The following CRACD variants were observed in gnomAD, a reference collection of about 807,000 sequenced individuals.
CRACD encodes capping protein inhibiting regulator of actin dynamics, also known as capping protein-inhibiting regulator of actin dynamics.
CRACD carries 56 observed loss-of-function variants against 106.8 expected under a neutral mutation model. That is an observed-to-expected ratio of 0.52 (90% CI 0.42 to 0.66). CRACD has a LOEUF of 0.66. CRACD is among the 30% of genes least tolerant of loss of function. The pLI is 0.00. For synonymous variants in CRACD, 754 were observed against 670.8 expected, an observed-to-expected ratio of 1.12 and a Z score of -1.92; for missense variants, 1,730 against 1,623.2, an observed-to-expected ratio of 1.07 and a Z score of -1.13.
chr4:56,218,265 G>T (rs923798432), intron 2 of CRACD, among the ~76,000 whole-genome samples: 1 of 151,940 alleles, frequency 6.6e-6, no homozygotes, highest in Non-Finnish European at 1.5e-5. Context: ...TGAATATGAA[G>T]GAATTTTCTT....
Position 56,314,375 on chromosome 4 carries a change from G to A in CRACD, c.873G>A (p.Gln291=), listed in dbSNP as rs1167499711. ...LEAERAPREE[Q]QRSLEAPGWE... ...CGGAAAGGGCGCCGCGGGAAGAGCAGCAGCGGAGCCTGGAAGCGCCAGGTT... is the reference window on the plus strand; with the variant it reads ...CGGAAAGGGCGCCGCGGGAAGAGCAACAGCGGAGCCTGGAAGCGCCAGGTT... Residue 291 remains glutamine, a synonymous_variant, in exon 8 of 11, where the codon CAG becomes CAA. Coordinates refer to ENST00000682029, the MANE Select transcript of CRACD (RefSeq NM_001393381.1). The surrounding 1 kb of genome is among the most constrained non-coding windows in gnomAD (Gnocchi z 4.4). 2 of 1,547,730 alleles carry A rather than the reference G, an allele frequency of 1.3e-6. No individual in the cohort carries two copies. The highest frequency in any genetic ancestry group is 1.7e-6 in the Non-Finnish European group (2 of 1,146,260).
At chr4:56,070,301 ATTT>A (rs56087277) in intron 1 of CRACD, among the ~76,000 whole-genome samples, 2 of 133,568 alleles carry the variant, frequency 1.5e-5, no homozygotes. Flanking sequence ...GTCCTTGCCC[ATTT>A]TTTTTTTTTT....
At chr4:56,317,682 A>G (rs555731709) in intron 8 of CRACD, among the ~76,000 whole-genome samples, 1 of 152,066 alleles carries the variant, frequency 6.6e-6, no homozygotes, top group East Asian at 1.9e-4. Context: ...GATCCTCTCT[A>G]TGGGATAATT....
At position 56,315,573 on chromosome 4, in the gene CRACD, T is replaced by C. The variant is rs754576633; in HGVS notation, c.2071T>C (p.Leu691=). The change falls in exon 8 of 11, where the codon TTG becomes CTG. Residue 691 remains leucine, a synonymous_variant. Transcript: ENST00000682029. This position sits in a 1 kb window ranked among gnomAD's most constrained non-coding sequence, Gnocchi z 4.1. The part of the protein sequence containing the change: ...SDPRSSERDQ[L]RPGDESTPRG... ...CCCGCGCAGCAGCGAGAGGGACCAG[T>C]TGAGGCCCGGTGATGAGTCCACTCC... 14 of 1,614,020 alleles carry C rather than the reference T, an allele frequency of 8.7e-6. No homozygotes were observed. The highest frequency in any genetic ancestry group is 7.7e-5 in the South Asian group (7 of 91,078).
intron 1 of CRACD, among the ~76,000 whole-genome samples, chr4:56,090,584 A>T (rs10022734): frequency 6.6e-6 from 1 of 151,978 alleles, no homozygotes; most frequent in Admixed American, 6.6e-5. Flanking sequence ...TTGTAGAGAC[A>T]AGGTTTTGCC....
intron 3 of CRACD, among the ~76,000 whole-genome samples, chr4:56,295,491 G>A (rs1260690155): frequency 6.6e-6 from 1 of 151,752 alleles, no homozygotes; most frequent in African/African-American, 2.4e-5. Context: ...CAACAGGAAT[G>A]TTTGGAGTTC....
At chr4:56,302,255 A>G (rs757523868) in intron 4 of CRACD, among the ~76,000 whole-genome samples, 3 of 152,216 alleles carry the variant, frequency 2.0e-5, no homozygotes, top group Non-Finnish European at 4.4e-5. Flanking sequence ...TTTCAGCTAC[A>G]ATGACCTTGA....
At chr4:56,151,972 G>C (rs944277746) in intron 1 of CRACD, among the ~76,000 whole-genome samples, 1 of 151,682 alleles carries the variant, frequency 6.6e-6, no homozygotes, top group African/African-American at 2.4e-5. Flanking sequence ...CTTGATTAAG[G>C]GGGTGACTGC....
intron 1 of CRACD, among the ~76,000 whole-genome samples, chr4:56,077,326 G>T (rs1732874712): frequency 3.3e-5 from 5 of 152,296 alleles, no homozygotes; most frequent in Admixed American, 3.3e-4. Flanking sequence ...ACAGCATGGG[G>T]GAAACCGATT....
chr4:56,212,924 C>T (rs981721423), intron 2 of CRACD, among the ~76,000 whole-genome samples: 2 of 152,154 alleles, frequency 1.3e-5, no homozygotes, highest in Admixed American at 1.3e-4. Context: ...CAGTTTGCAT[C>T]AGAAGTTTGC....
At chr4:56,079,450 CTT>C (rs112556427) in intron 1 of CRACD, among the ~76,000 whole-genome samples, 5 of 142,358 alleles carry the variant, frequency 3.5e-5, no homozygotes, top group Admixed American at 7.1e-5. Context: ...TTCTTCTTTT[CTT>C]TTTTTTTTTT....
At chr4:56,246,563 C>T (rs867170328) in intron 2 of CRACD, 2 of 152,204 alleles carry the variant, frequency 1.3e-5, no homozygotes, top group African/African-American at 4.8e-5. Flanking sequence ...ACTGTAGGAG[C>T]TTTTTGTCAT....
Position 56,315,468 on chromosome 4 carries a change from C to G in CRACD, c.1966C>G (p.Gln656Glu), listed in dbSNP as rs533055150. The G allele has an allele frequency of 3.1e-6, 5 of 1,612,988 alleles. No homozygotes were observed. Among genetic ancestry groups the G allele is most frequent in the South Asian group, 2.2e-5 (2 of 91,084 alleles). The stretch of plus-strand genomic sequence containing the variant: ...GGGCAGCGGGAAGGCTAAGCCCCGC[C>G]AGGAGTCTCCCAGCAGCGCGTCCGC... ...RAGSGKAKPRQESPSSASALA... is the reference protein window; with the variant it reads ...RAGSGKAKPREESPSSASALA... The change falls in exon 8 of 11, where the codon CAG (glutamine) becomes GAG (glutamate). Residue 656 changes from glutamine to glutamate, a missense_variant. By Grantham distance (29) the Gln-to-Glu change is conservative. Around this residue, in one of 5 missense-constraint regions of CRACD, gnomAD observed 1,620 missense variants for 1,481.6 expected, o/e 1.09. Coordinates refer to ENST00000682029, the MANE Select transcript of CRACD (RefSeq NM_001393381.1). The surrounding 1 kb of genome is among the most constrained non-coding windows in gnomAD (Gnocchi z 4.1).
intron 1 of CRACD, among the ~76,000 whole-genome samples, chr4:56,057,806 T>G (rs867816896): frequency 3.4e-5 from 2 of 59,514 alleles, no homozygotes; most frequent in South Asian, 4.7e-4. Flanking sequence ...TGTATTTTTT[T>G]TTTTTTTGTT....
At chr4:56,104,945 C>A (rs13138694) in intron 1 of CRACD, among the ~76,000 whole-genome samples, 3 of 140,516 alleles carry the variant, frequency 2.1e-5, no homozygotes, top group Non-Finnish European at 3.0e-5. Context: ...CCAGCCTGGG[C>A]GACAGAGCAA....
At chr4:56,308,995 C>T (rs1454836123) in intron 5 of CRACD, 3 of 803,326 alleles carry the variant, frequency 3.7e-6, no homozygotes, top group South Asian at 1.4e-5. Context: ...CTGTAGTTTA[C>T]ACCCTAATGA....
intron 1 of CRACD, among the ~76,000 whole-genome samples, chr4:56,102,156 A>G (rs540235062): frequency 1.2e-4 from 18 of 152,280 alleles, no homozygotes; most frequent in African/African-American, 4.1e-4. Context: ...ATACTGCCAA[A>G]TTATTCTGCT....
chr4:56,068,675 G>A (rs965886100), intron 1 of CRACD, among the ~76,000 whole-genome samples: 2 of 152,230 alleles, frequency 1.3e-5, no homozygotes, highest in East Asian at 1.9e-4. Flanking sequence ...TACTTGCAGC[G>A]TGGACGTGGG....
intron 10 of CRACD, among the ~76,000 whole-genome samples, chr4:56,325,417 C>T (rs1560544930): frequency 6.6e-6 from 1 of 152,218 alleles, no homozygotes; most frequent in Non-Finnish European, 1.5e-5. Context: ...GAAATGGAAA[C>T]TGCATCTCTG....
Sources: allele counts gnomAD v4.1 joint callset (sites outside exome capture counted in the v4.1 genomes callset), GRCh38; gene constraint gnomAD v4.1.1; regional missense constraint gnomAD v4.1.1; non-coding constraint Gnocchi (gnomAD v3.1); transcripts MANE v1.5; gene names NCBI Gene and HGNC (gene_info 2026-07-23, HGNC 2026-07-21).